The following STK11IP variants were observed in gnomAD, a reference collection of about 807,000 sequenced individuals.
STK11IP encodes the protein serine/threonine-protein kinase 11-interacting protein.
A neutral mutation model predicts 131.7 loss-of-function variants in STK11IP; 103 were observed. The ratio of observed to expected loss-of-function variants is 0.78; its 90% CI spans 0.67 to 0.92. The LOEUF (loss-of-function observed/expected upper bound fraction) is 0.92, where lower values mean the gene tolerates loss of function less well. STK11IP is among the 40% of genes least tolerant of loss of function. STK11IP has a pLI of 0.00. For synonymous variants in STK11IP, 557 were observed against 575.6 expected, an observed-to-expected ratio of 0.97 and a Z score of 0.46; for missense variants, 1,315 against 1,385.7, an observed-to-expected ratio of 0.95 and a Z score of 0.81.
At chr2:219,614,357 C>T in intron 22 of STK11IP, 115 bp downstream of exon 22, 1 of 1,504,514 alleles carries the variant, frequency 6.6e-7, no homozygotes, top group Non-Finnish European at 9.2e-7. Flanking sequence ...CATGCCATGC[C>T]CCTTATGGGC....
At position 219,599,586 on chromosome 2, in the gene STK11IP, G is replaced by A. The variant is rs116580853; in HGVS notation, c.61+1406G>A. On this transcript the variant is annotated intron_variant, in intron 2 of 24. Transcript: ENST00000456909. ...TTGTTAATTTATTCAGTGATGAATG[G>A]TGGGTGTGTGAATGTGTGACTACAA... Among the ~76,000 whole-genome samples the A allele has an allele frequency of 7.1e-3, 1,076 of 152,304 alleles. 11 individuals carry two copies. The highest frequency in any genetic ancestry group is 0.011 in the Admixed American group (170 of 15,302).
At chr2:219,608,846 G>A in intron 15 of STK11IP, 58 bp downstream of exon 15, 1 of 1,498,530 alleles carries the variant, frequency 6.7e-7, no homozygotes, top group Non-Finnish European at 9.0e-7. Context: ...TGGCTGTTGT[G>A]TGCCCTGCAC....
rs939444140 is a variant in STK11IP at position 219,609,488 on chromosome 2, C to T, written c.2052C>T (p.Pro684=). The change falls in exon 17 of 25, where the codon CCC becomes CCT. Residue 684 remains proline (P), a synonymous_variant. Transcript: ENST00000456909. ...RCGHEFKPEE[P]RMGLDSEEGW... ...GCCATGAGTTCAAGCCAGAGGAGCC[C>T]AGGATGGGATTAGACAGTGAGGAAG... The T allele has an allele frequency of 1.4e-5, 23 of 1,601,016 alleles. No individual in the cohort carries two copies. Among genetic ancestry groups the T allele is most frequent in the Non-Finnish European group, 2.0e-5 (23 of 1,173,662 alleles).
At position 219,601,622 on chromosome 2, in the gene STK11IP, G is replaced by GCTT; in HGVS notation, c.268-19_268-18insCTT. The GCTT allele has an allele frequency of 6.7e-7, 1 of 1,491,010 alleles. No individual in the cohort carries two copies. Among genetic ancestry groups the GCTT allele is most frequent in the Non-Finnish European group, 9.0e-7 (1 of 1,107,870 alleles). 92.4% of individuals were successfully genotyped at this position (1,491,010 alleles called of 1,614,324 possible). On this transcript the variant is annotated intron_variant, in intron 3 of 24. Transcript: ENST00000456909. ...GATCTGCTGTGCCTCAGTAAATTGA[G>GCTT]TTTTTTTTTTTTTTTCAGCTGGTCC... is the stretch of plus-strand genomic sequence containing the variant.
chr2:219,607,896 T>G (rs1698244380), intron 13 of STK11IP, 151 bp from the exon 14 acceptor site: 1 of 993,518 alleles, frequency 1.0e-6, no homozygotes, highest in East Asian at 2.6e-5. Context: ...CACGCTTTAG[T>G]ACATGCCGCG....
Position 219,608,633 on chromosome 2 carries a change from G to A in STK11IP, c.1654G>A (p.Val552Ile), listed in dbSNP as rs673951. 560,124 of 1,612,274 alleles carry A rather than the reference G, an allele frequency of 0.35. 103,981 individuals carry two copies. The highest frequency in any genetic ancestry group is 0.7 in the East Asian group (31,219 of 44,780). The change falls in exon 15 of 25, where the codon GTA becomes ATA. Residue 552 changes from valine (V) to isoleucine (I), a missense_variant. Physicochemically the swap from Val to Ile is conservative, Grantham distance 29. Transcript: ENST00000456909. The part of the protein sequence containing the change: ...LVCPLEGPEG[V>I]RGRECFLRVT... ...GTGTCCCCTGGAGGGGCCTGAGGGCGTACGGGGCAGGGAATGCTTTCTCAG... is the reference window on the plus strand; with the variant it reads ...GTGTCCCCTGGAGGGGCCTGAGGGCATACGGGGCAGGGAATGCTTTCTCAG...
intron 15 of STK11IP, 40 bp downstream of exon 15, chr2:219,608,828 T>C: frequency 1.3e-6 from 2 of 1,539,018 alleles, no homozygotes; most frequent in Non-Finnish European, 1.8e-6. Flanking sequence ...GAGCCAGTTA[T>C]GGGAACATGG....
At chr2:219,605,533 C>T in intron 7 of STK11IP, 75 bp from the exon 8 acceptor site, 3 of 1,489,444 alleles carry the variant, frequency 2.0e-6, no homozygotes, top group Non-Finnish European at 2.7e-6. Flanking sequence ...AGGCCTAGTC[C>T]AGAAGAGGTC....
At chr2:219,610,547 C>T (rs543642315) in intron 17 of STK11IP, among the ~76,000 whole-genome samples, 9 of 152,240 alleles carry the variant, frequency 5.9e-5, no homozygotes, top group African/African-American at 1.9e-4. Flanking sequence ...GGACTACAGG[C>T]GCCCACCACC....
At chr2:219,606,375 A>C (rs1277645881) in intron 10 of STK11IP, 85 bp downstream of exon 10, 2 of 1,544,704 alleles carry the variant, frequency 1.3e-6, no homozygotes, top group Non-Finnish European at 1.8e-6. Flanking sequence ...TCCCTGGGTG[A>C]GGGGCCAAGG....
rs768788626 is a variant in STK11IP at position 219,606,249 on chromosome 2, G to A, written c.904G>A (p.Ala302Thr). Residue 302 changes from alanine to threonine, a missense_variant, in exon 10 of 25, where the codon GCC (alanine) becomes ACC (threonine). By Grantham distance (58) the Ala-to-Thr change is moderately conservative. Coordinates refer to ENST00000456909, the MANE Select transcript of STK11IP (RefSeq NM_052902.4). ...CCACCCTGAGCACCGAGCAGCCACT[G>A]CCCAGTACTTGTCACCCCGGGCCAG... ...WFHPEHRAAT[A>T]QYLSPRARDA... 2 of 1,573,282 alleles carry A rather than the reference G, an allele frequency of 1.3e-6. 1 individual carries two copies. The highest frequency in any genetic ancestry group is 1.7e-6 in the Non-Finnish European group (2 of 1,159,126).
rs534231346 is a variant in STK11IP at position 219,608,755 on chromosome 2, G to A, written c.1776G>A (p.Pro592=). 5.6e-6 allele frequency: 9 copies of A among 1,610,240 alleles called. No individual in the cohort carries two copies. The highest frequency in any genetic ancestry group is 4.0e-5 in the African/African-American group (3 of 74,986). The change falls in exon 15 of 25, where the codon CCG becomes CCA. Residue 592 remains proline (P), a synonymous_variant. Transcript: ENST00000456909. Reference sequence around the variant, plus strand: ...GTCTGGAGGCAGCTGAGATAGAGCCGGAGGCCCAGGCCCAGAGGTCGCCCA... The same window carrying A: ...GTCTGGAGGCAGCTGAGATAGAGCCAGAGGCCCAGGCCCAGAGGTCGCCCA... ...LQSLEAAEIE[P]EAQAQRSPRP...
At chr2:219,607,915 G>T in intron 13 of STK11IP, 132 bp from the exon 14 acceptor site, 3 of 1,225,372 alleles carry the variant, frequency 2.4e-6, no homozygotes, top group South Asian at 1.5e-5. Context: ...CGGAGGGGAC[G>T]CCTGTAGCCT....
In STK11IP at chr2:219,606,780, A is replaced by T; in HGVS notation, c.1056A>T (p.Glu352Asp). 1 of 1,613,804 alleles carries T rather than the reference A, an allele frequency of 6.2e-7. No homozygotes were observed. The highest frequency in any genetic ancestry group is 8.5e-7 in the Non-Finnish European group (1 of 1,179,842). ...PLPWPVGSTP[E>D]TSGGPDLSDS... ...CCTGGCCAGTGGGGAGTACTCCTGA[A>T]ACCTCAGGTGGCCCTGACCTGAGTG... The change falls in exon 12 of 25, where the codon GAA (glutamate) becomes GAT (aspartate). Residue 352 changes from glutamate to aspartate, a missense_variant. Physicochemically the swap from Glu to Asp is conservative, Grantham distance 45 (BLOSUM62 2). Coordinates refer to ENST00000456909, the MANE Select transcript of STK11IP (RefSeq NM_052902.4).
At chr2:219,602,861 C>T (rs902908403) in intron 7 of STK11IP, 85 bp downstream of exon 7, 12 of 1,341,560 alleles carry the variant, frequency 8.9e-6, no homozygotes, top group Non-Finnish European at 1.3e-5. Context: ...AGCTTTTACT[C>T]CCACCTTGCT....
In STK11IP at chr2:219,602,080, A is replaced by AGAGGTAAGGAGAGTGAGGGGT; in HGVS notation, c.438+1_438+21dup. On this transcript the variant is annotated inframe_insertion, in exon 5 of 25. Coordinates refer to ENST00000456909, the MANE Select transcript of STK11IP (RefSeq NM_052902.4). ...TTTGCAGCAGGAGCCTCCAGGCATT[A>AGAGGTAAGGAGAGTGAGGGGT]GAGGTAAGGAGAGTGAGGGGTGAGC... 1 of 1,598,198 alleles carries AGAGGTAAGGAGAGTGAGGGGT rather than the reference A, an allele frequency of 6.3e-7. No individual in the cohort carries two copies. The highest frequency in any genetic ancestry group is 8.5e-7 in the Non-Finnish European group (1 of 1,172,052).
chr2:219,612,366 G>T (rs1229984089), intron 19 of STK11IP, among the ~76,000 whole-genome samples: 2 of 152,228 alleles, frequency 1.3e-5, no homozygotes, highest in African/African-American at 4.8e-5. Context: ...ATAAACACAT[G>T]ATGTCGTTAG....
chr2:219,600,041 G>GTGTTTTT (rs1697930118), intron 2 of STK11IP, among the ~76,000 whole-genome samples: 1 of 91,932 alleles, frequency 1.1e-5, no homozygotes, highest in African/African-American at 4.1e-5. Flanking sequence ...TGCCCTTTGT[G>GTGTTTTT]TTTTTTTTTT....
intron 7 of STK11IP, among the ~76,000 whole-genome samples, chr2:219,604,772 C>CA (rs1250848262): frequency 6.6e-6 from 1 of 151,188 alleles, no homozygotes; most frequent in Non-Finnish European, 1.5e-5. Context: ...GTGTTGCAGT[C>CA]ACGGTTATTT....
Sources: allele counts gnomAD v4.1 joint callset (sites outside exome capture counted in the v4.1 genomes callset), GRCh38; gene constraint gnomAD v4.1.1; transcripts MANE v1.5; gene names NCBI Gene and HGNC (gene_info 2026-07-23, HGNC 2026-07-21).